EYA2: variants seen among roughly 807,000 people sequenced by gnomAD.
EYA2 encodes protein phosphatase EYA2.
EYA2 carries 31 observed loss-of-function variants against 69.2 expected under a neutral mutation model. That is an observed-to-expected ratio of 0.45 (90% CI 0.34 to 0.60). The LOEUF (loss-of-function observed/expected upper bound fraction) is 0.60. EYA2 is among the 20% of genes least tolerant of loss of function. EYA2 has a pLI of 0.02. For missense variants in EYA2, 622 were observed against 701.2 expected, an observed-to-expected ratio of 0.89 and a Z score of 1.28; for synonymous variants, 257 against 279.4, an observed-to-expected ratio of 0.92 and a Z score of 0.80.
chr20:47,177,265 AC>A (rs202090670), intron 12 of EYA2, among the ~76,000 whole-genome samples: 4,124 of 151,984 alleles, frequency 0.027, 184 homozygotes, highest in African/African-American at 0.094. Flanking sequence ...GGCACATGCC[AC>A]CATGCCTGGC....
intron 9 of EYA2, among the ~76,000 whole-genome samples, chr20:47,113,511 C>G (rs2032809085): frequency 6.6e-6 from 1 of 152,126 alleles, no homozygotes. Flanking sequence ...GAGCTTTTAG[C>G]AGAAAGAATG....
Position 47,039,835 on chromosome 20 carries a change from C to CTTTTTTTTTTT in EYA2, c.415+23551_415+23561dup. ...ATAGGGTCATTGTGAAGATCAAATA[C>CTTTTTTTTTTT]TTTTTTTTTTTTTTTTTTTTTTTGA... On this transcript the variant is annotated intron_variant, in intron 5 of 15. Coordinates refer to ENST00000327619, the MANE Select transcript of EYA2 (RefSeq NM_005244.5). Among the ~76,000 whole-genome samples, 109 of 69,798 alleles carry CTTTTTTTTTTT rather than the reference C, an allele frequency of 1.6e-3. 11 individuals carry two copies. Among genetic ancestry groups the CTTTTTTTTTTT allele is most frequent in the Admixed American group, 1.9e-3 (8 of 4,190 alleles). 45.8% of individuals were successfully genotyped at this position (69,798 alleles called of 152,430 possible).
intron 1 of EYA2, among the ~76,000 whole-genome samples, chr20:46,914,025 T>G (rs1006409076): frequency 2.0e-5 from 3 of 152,334 alleles, no homozygotes; most frequent in Admixed American, 6.5e-5. Context: ...CTACTGTGTT[T>G]TCTTGGCTTT....
chr20:47,089,816 G>A (rs1009023838), intron 8 of EYA2, among the ~76,000 whole-genome samples: 16 of 152,142 alleles, frequency 1.1e-4, no homozygotes, highest in African/African-American at 3.9e-4. Flanking sequence ...CTCTACCCTG[G>A]TTACACAGCA....
chr20:47,099,266 C>A (rs949820466), intron 9 of EYA2, among the ~76,000 whole-genome samples: 3 of 152,250 alleles, frequency 2.0e-5, no homozygotes, highest in Non-Finnish European at 4.4e-5. Flanking sequence ...CCGCAGAGGG[C>A]AGCCTTGGTG....
chr20:46,965,037 C>T (rs1314041168), intron 1 of EYA2, among the ~76,000 whole-genome samples: 1 of 152,146 alleles, frequency 6.6e-6, no homozygotes, highest in African/African-American at 2.4e-5. Flanking sequence ...TTCAAATTCA[C>T]GTAACTTGTG....
At chr20:46,991,953 C>T (rs913842898) in intron 2 of EYA2, among the ~76,000 whole-genome samples, 3 of 111,646 alleles carry the variant, frequency 2.7e-5, no homozygotes, top group African/African-American at 3.4e-5. Context: ...GGGCGACAGA[C>T]GTGAGACTCC....
intron 1 of EYA2, among the ~76,000 whole-genome samples, chr20:46,950,608 T>C (rs1314244845): frequency 1.3e-5 from 2 of 152,234 alleles, no homozygotes; most frequent in African/African-American, 4.8e-5. Flanking sequence ...GCACATGCGC[T>C]TCCTTGAAAT....
At chr20:47,105,911 A>G (rs931677140) in intron 9 of EYA2, among the ~76,000 whole-genome samples, 4 of 152,202 alleles carry the variant, frequency 2.6e-5, no homozygotes, top group Non-Finnish European at 5.9e-5. Flanking sequence ...AAACAAAGAC[A>G]GATGGTTGTG....
At chr20:47,086,811 G>GT (rs35580780) in intron 7 of EYA2, among the ~76,000 whole-genome samples, 12,055 of 145,396 alleles carry the variant, frequency 0.083, 608 homozygotes, top group East Asian at 0.25. Context: ...TTTTTTTGTT[G>GT]TTTTTTTTTT....
chr20:47,006,607 CTGTT>C (rs1253293475), intron 4 of EYA2, among the ~76,000 whole-genome samples: 4 of 152,178 alleles, frequency 2.6e-5, no homozygotes, highest in Non-Finnish European at 5.9e-5. Flanking sequence ...TACCTCTGCC[CTGTT>C]TGTTTGTTCA....
At chr20:46,969,326 T>C (rs1600592231) in intron 1 of EYA2, among the ~76,000 whole-genome samples, 1 of 152,234 alleles carries the variant, frequency 6.6e-6, no homozygotes. Context: ...CAAGCCATCC[T>C]CCTGCCTCAG....
chr20:46,916,734 G>A (rs1984925136), intron 1 of EYA2, among the ~76,000 whole-genome samples: 1 of 152,064 alleles, frequency 6.6e-6, no homozygotes, highest in Non-Finnish European at 1.5e-5. Flanking sequence ...GGGAGAGCTC[G>A]GGGTGCTAGG....
chr20:46,935,799 A>G (rs2146256795), intron 1 of EYA2, among the ~76,000 whole-genome samples: 1 of 152,114 alleles, frequency 6.6e-6, no homozygotes, highest in African/African-American at 2.4e-5. Context: ...ATGTTGCAAT[A>G]GTTCGTTATA....
intron 1 of EYA2, among the ~76,000 whole-genome samples, chr20:46,948,066 A>AT (rs1447092018): frequency 6.7e-6 from 1 of 149,132 alleles, no homozygotes; most frequent in Non-Finnish European, 1.5e-5. Flanking sequence ...ATGGTGAGCT[A>AT]TGATCTGCAC....
rs78413703 is a variant in EYA2 at position 46,967,902 on chromosome 20, C to T, written c.-10-22099C>T. 3.5e-3 allele frequency among the ~76,000 whole-genome samples: 534 copies of T among 152,298 alleles called. 2 individuals are homozygous for T. The highest frequency in any genetic ancestry group is 0.012 in the African/African-American group (501 of 41,576). Reference sequence around the variant, plus strand: ...TGGTGGCATAGACAGCAGCCATCATCCCTCCTTGCAGGCCAACAGAAGCTC... The same window carrying T: ...TGGTGGCATAGACAGCAGCCATCATTCCTCCTTGCAGGCCAACAGAAGCTC... On this transcript the variant is annotated intron_variant, in intron 1 of 15. Coordinates refer to ENST00000327619, the MANE Select transcript of EYA2 (RefSeq NM_005244.5).
intron 5 of EYA2, among the ~76,000 whole-genome samples, chr20:47,053,589 C>T (rs914301813): frequency 6.6e-6 from 1 of 150,426 alleles, no homozygotes; most frequent in Non-Finnish European, 1.5e-5. Flanking sequence ...AACAACCGAG[C>T]CCAGGAAGTC....
chr20:47,124,956 T>C (rs2033141747), intron 9 of EYA2, among the ~76,000 whole-genome samples: 1 of 151,990 alleles, frequency 6.6e-6, no homozygotes, highest in Non-Finnish European at 1.5e-5. Context: ...TTCTTTGTTC[T>C]CTTAAATTTG....
At chr20:47,122,541 A>G (rs1182741008) in intron 9 of EYA2, among the ~76,000 whole-genome samples, 1 of 151,300 alleles carries the variant, frequency 6.6e-6, no homozygotes, top group Non-Finnish European at 1.5e-5. Flanking sequence ...CTCGTGATCC[A>G]CCTATCTCGG....
Sources: gnomAD v4.1 joint callset for allele counts (sites outside exome capture counted in the v4.1 genomes callset) on GRCh38, gnomAD v4.1.1 for gene constraint, MANE v1.5 for transcripts, NCBI Gene and HGNC (gene_info 2026-07-23, HGNC 2026-07-21) for gene names.